The following DLGAP4 variants were observed in gnomAD, a reference collection of about 807,000 sequenced individuals.
DLGAP4 encodes disks large-associated protein 4.
DLGAP4 carries 18 observed loss-of-function variants against 86.9 expected under a neutral mutation model. The ratio of observed to expected loss-of-function variants is 0.21; its 90% CI spans 0.14 to 0.31. The LOEUF (loss-of-function observed/expected upper bound fraction) is 0.31. DLGAP4 is among the 10% of genes least tolerant of loss of function. The pLI, the probability that DLGAP4 is intolerant of heterozygous loss-of-function variation, is 1.00. For synonymous variants in DLGAP4, 548 were observed against 574.3 expected, an observed-to-expected ratio of 0.95 and a Z score of 0.65; for missense variants, 1,085 against 1,362.6, an observed-to-expected ratio of 0.80 and a Z score of 3.21.
At chr20:36,309,032 G>T (rs542879408) in intron 1 of DLGAP4, among the ~76,000 whole-genome samples, 1 of 150,040 alleles carries the variant, frequency 6.7e-6, no homozygotes, top group Non-Finnish European at 1.5e-5. Flanking sequence ...TCCCCCTGGC[G>T]GGCCTTCAGT....
At chr20:36,487,069 G>A (rs1283612080) in intron 7 of DLGAP4, among the ~76,000 whole-genome samples, 2 of 152,184 alleles carry the variant, frequency 1.3e-5, no homozygotes, top group African/African-American at 4.8e-5. Flanking sequence ...GAGAGACGCT[G>A]GTCTCTGTTA....
Position 36,500,426 on chromosome 20 carries a change from C to T in DLGAP4, c.2327C>T (p.Ser776Leu), listed in dbSNP as rs146256312. The change falls in exon 10 of 13, where the codon TCG becomes TTG. Residue 776 changes from serine to leucine, a missense_variant. Transcript: ENST00000339266. The surrounding 1 kb of genome is among the most constrained non-coding windows in gnomAD (Gnocchi z 4.6). ...AGCGACCCTGCCCTAGAGGCGTCCT[C>T]GCTGCCCCCACCCGACCCCTGGCTC... ...DNSDPALEASSLPPPDPWLET... is the reference protein window; with the variant it reads ...DNSDPALEASLLPPPDPWLET... 5.1e-5 allele frequency: 80 copies of T among 1,576,942 alleles called. No individual in the cohort carries two copies. In the African/African-American group the frequency reaches 6.7e-4, roughly 13 times the overall value.
intron 7 of DLGAP4, among the ~76,000 whole-genome samples, chr20:36,467,790 A>C (rs1163064781): frequency 6.6e-6 from 1 of 152,214 alleles, no homozygotes; most frequent in Non-Finnish European, 1.5e-5. Flanking sequence ...GTCTGAGCAC[A>C]TTTCTTGTAC....
chr20:36,349,896 G>A (rs543630281), intron 1 of DLGAP4, among the ~76,000 whole-genome samples: 31 of 152,224 alleles, frequency 2.0e-4, no homozygotes, highest in African/African-American at 4.3e-4. Flanking sequence ...CAGCATCGCC[G>A]CGTCCCAGGG....
chr20:36,497,185 T>G (rs2035925393), intron 8 of DLGAP4, 119 bp downstream of exon 8: 1 of 1,477,552 alleles, frequency 6.8e-7, no homozygotes, highest in Non-Finnish European at 8.9e-7. Context: ...CTCTCTATTT[T>G]GGGGGATCAG....
At chr20:36,470,507 G>A (rs1476891469) in intron 7 of DLGAP4, among the ~76,000 whole-genome samples, 1 of 150,526 alleles carries the variant, frequency 6.6e-6, no homozygotes, top group African/African-American at 2.4e-5. Flanking sequence ...TTTTTTTTGT[G>A]TGTAAAAGTT....
chr20:36,432,789 C>A lies in DLGAP4; in HGVS notation c.999+73C>A. The A allele has an allele frequency of 6.5e-7, 1 of 1,540,790 alleles. No homozygotes were observed. Among genetic ancestry groups the A allele is most frequent in the Non-Finnish European group, 8.8e-7 (1 of 1,136,170 alleles). On this transcript the variant is annotated intron_variant, in intron 3 of 12. Transcript: ENST00000339266. The surrounding 1 kb of genome is among the most constrained non-coding windows in gnomAD (Gnocchi z 6.5). ...CACCAGTTTTGAGGCCTAGACGTAC[C>A]ACAGATTCACTTGGAAAGTCACTTC...
intron 10 of DLGAP4, among the ~76,000 whole-genome samples, chr20:36,516,921 C>T (rs553370553): frequency 9.4e-4 from 143 of 151,866 alleles, no homozygotes; most frequent in South Asian, 2.9e-3. Context: ...TGAAACCCCA[C>T]GAAACACCAT....
At chr20:36,331,791 T>G (rs1600405058) in intron 1 of DLGAP4, among the ~76,000 whole-genome samples, 1 of 152,142 alleles carries the variant, frequency 6.6e-6, no homozygotes, top group Non-Finnish European at 1.5e-5. Context: ...AGCAGCAGGG[T>G]GACAGGTGTC....
chr20:36,346,919 C>T (rs1056571422), intron 1 of DLGAP4, among the ~76,000 whole-genome samples: 8 of 152,182 alleles, frequency 5.3e-5, no homozygotes, highest in Non-Finnish European at 1.0e-4. Flanking sequence ...GCCTTCAGTA[C>T]CTCGGCCCAA....
rs1282226980 is a variant in DLGAP4 at position 36,350,761 on chromosome 20, C to T, written c.-303-16284C>T. Among the ~76,000 whole-genome samples the T allele has an allele frequency of 6.6e-6, 1 of 152,252 alleles. No individual in the cohort carries two copies. The highest frequency in any genetic ancestry group is 2.4e-5 in the African/African-American group (1 of 41,470). On this transcript the variant is annotated intron_variant, in intron 1 of 12. Transcript: ENST00000339266. This position sits in a 1 kb window ranked among gnomAD's most constrained non-coding sequence, Gnocchi z 4.4. ...TGCTGAGGACTGCTGACCAGTTTGG[C>T]TCAGTCTCCCTTTTGCAGATGCTGG...
chr20:36,519,722 G>A (rs776593362), intron 10 of DLGAP4, among the ~76,000 whole-genome samples: 4 of 152,144 alleles, frequency 2.6e-5, no homozygotes, highest in Non-Finnish European at 5.9e-5. Context: ...AATGCACAGG[G>A]TTCCAATCTC....
At chr20:36,340,268 T>G (rs974923401) in intron 1 of DLGAP4, among the ~76,000 whole-genome samples, 1 of 151,902 alleles carries the variant, frequency 6.6e-6, no homozygotes, top group African/African-American at 2.4e-5. Flanking sequence ...CTCGGGAACT[T>G]CTGGCTGTTC....
intron 1 of DLGAP4, among the ~76,000 whole-genome samples, chr20:36,364,456 T>C (rs1348224403): frequency 1.3e-5 from 2 of 152,172 alleles, no homozygotes; most frequent in African/African-American, 2.4e-5. Context: ...GTTAATGGCT[T>C]TTAGTATATT....
chr20:36,367,827 G>A (rs2030749422), intron 2 of DLGAP4, among the ~76,000 whole-genome samples: 1 of 152,132 alleles, frequency 6.6e-6, no homozygotes, highest in Non-Finnish European at 1.5e-5. Flanking sequence ...CGTCTGTCTG[G>A]GGGTGCAACC....
In DLGAP4 at chr20:36,500,012, C is replaced by T. The variant is rs182523767; in HGVS notation, c.2100-187C>T. ...GTGTGTGTGTGCGTGTGGGCTTGGG[C>T]GGGATGGGGCAAGGGCTGAGCCAAG... On this transcript the variant is annotated intron_variant, in intron 9 of 12. Coordinates refer to ENST00000339266, the MANE Select transcript of DLGAP4 (RefSeq NM_001365621.2). The surrounding 1 kb of genome is among the most constrained non-coding windows in gnomAD (Gnocchi z 4.6). 7.9e-5 allele frequency among the ~76,000 whole-genome samples: 12 copies of T among 151,976 alleles called. No homozygotes were observed. Among genetic ancestry groups the T allele is most frequent in the Admixed American group, 5.2e-4 (8 of 15,270 alleles).
At chr20:36,424,932 C>T (rs977434033) in intron 2 of DLGAP4, among the ~76,000 whole-genome samples, 32 of 152,146 alleles carry the variant, frequency 2.1e-4, no homozygotes, top group African/African-American at 5.5e-4. Context: ...GATGGGGTTT[C>T]GCCATATTGG....
intron 2 of DLGAP4, among the ~76,000 whole-genome samples, chr20:36,392,822 A>G (rs1339555206): frequency 6.6e-6 from 1 of 152,240 alleles, no homozygotes; most frequent in Admixed American, 6.5e-5. Context: ...GAGATAGACA[A>G]TAAGTAAAAT....
At chr20:36,459,625 G>A (rs1440599605) in intron 7 of DLGAP4, among the ~76,000 whole-genome samples, 1 of 151,822 alleles carries the variant, frequency 6.6e-6, no homozygotes, top group Non-Finnish European at 1.5e-5. Flanking sequence ...AATTTTTTTT[G>A]AAACGGAGTT....
Sources: allele counts gnomAD v4.1 joint callset (sites outside exome capture counted in the v4.1 genomes callset), GRCh38; gene constraint gnomAD v4.1.1; non-coding constraint Gnocchi (gnomAD v3.1); transcripts MANE v1.5; gene names NCBI Gene and HGNC (gene_info 2026-07-23, HGNC 2026-07-21).